Variants in ANKRD50 observed in about 807,000 individuals in gnomAD.
ANKRD50 encodes the protein ankyrin repeat domain-containing protein 50.
ANKRD50 carries 40 observed loss-of-function variants against 112.0 expected under a neutral mutation model. The ratio of observed to expected loss-of-function variants is 0.36; its 90% CI spans 0.28 to 0.46. ANKRD50 has a LOEUF of 0.46. Among genes scored for constraint, ANKRD50 ranks in the 20% least tolerant of loss-of-function variants. The pLI is 1.00. For missense variants in ANKRD50, 1,487 were observed against 1,701.7 expected (o/e 0.87, Z 2.22); for synonymous variants, 613 against 619.1 (o/e 0.99, Z 0.15).
chr4:124,711,674 C>T (rs1392099283), intron 1 of ANKRD50, among the ~76,000 whole-genome samples: 6 of 151,790 alleles, frequency 4.0e-5, no homozygotes, highest in Non-Finnish European at 7.4e-5. Context: ...CAAGGACTGT[C>T]TACTCCTCCA....
At chr4:124,672,659 C>G in intron 3 of ANKRD50, 125 bp from the exon 4 acceptor site, 2 of 639,374 alleles carry the variant, frequency 3.1e-6, no homozygotes, top group Non-Finnish European at 5.0e-6. Flanking sequence ...ATAAGCAGAT[C>G]AATTAATACC....
At chr4:124,695,222 T>C (rs1448247294) in intron 2 of ANKRD50, among the ~76,000 whole-genome samples, 41 of 152,122 alleles carry the variant, frequency 2.7e-4, no homozygotes, top group Non-Finnish European at 2.9e-5. Flanking sequence ...AGAGGGCTTG[T>C]TGAAGCAAGA....
At chr4:124,690,975 T>C (rs1235156747) in intron 2 of ANKRD50, among the ~76,000 whole-genome samples, 1 of 152,166 alleles carries the variant, frequency 6.6e-6, no homozygotes, top group East Asian at 1.9e-4. Context: ...ACTCAATAAA[T>C]ATAATGTATT....
rs1327990109 is a variant in ANKRD50 at position 124,687,482 on chromosome 4, C to T, written c.513-8577G>A. On this transcript the variant is annotated intron_variant, in intron 2 of 4. Coordinates refer to ENST00000504087, the MANE Select transcript of ANKRD50 (RefSeq NM_020337.3). ...CTGAGTTAGATAAAGAGTTTTTAGA[C>T]ACTTCACCAAAAGCGGGATCCATAG... 2.0e-5 allele frequency among the ~76,000 whole-genome samples: 3 copies of T among 151,494 alleles called. No homozygotes were observed. The East Asian group carries it at 5.8e-4, about 29-fold the overall frequency.
chr4:124,682,628 A>G (rs1297668473), intron 2 of ANKRD50, among the ~76,000 whole-genome samples: 1 of 152,116 alleles, frequency 6.6e-6, no homozygotes, highest in East Asian at 1.9e-4. Flanking sequence ...ATCATTAGGA[A>G]ATGACTCTAT....
chr4:124,675,641 G>C (rs969401325), intron 3 of ANKRD50, among the ~76,000 whole-genome samples: 2 of 151,706 alleles, frequency 1.3e-5, no homozygotes, highest in Non-Finnish European at 3.0e-5. Flanking sequence ...TAATATTTGT[G>C]TATGTTGTCA....
intron 4 of ANKRD50, 47 bp downstream of exon 4, chr4:124,668,937 G>A (rs1474041004): frequency 1.3e-6 from 2 of 1,518,704 alleles, no homozygotes; most frequent in Non-Finnish European, 1.8e-6. Flanking sequence ...TCCAAGTAGA[G>A]GGAACTCTAC....
chr4:124,671,181 T>C lies in ANKRD50; in HGVS notation c.2096A>G (p.His699Arg). 1.2e-6 allele frequency: 2 copies of C among 1,613,944 alleles called. No individual in the cohort carries two copies. Among genetic ancestry groups the C allele is most frequent in the Non-Finnish European group, 8.5e-7 (1 of 1,179,870 alleles). The change falls in exon 4 of 5, where the codon CAT becomes CGT. Residue 699 changes from histidine to arginine, a missense_variant. This residue lies in a region of ANKRD50 where 1,046 missense variants were observed against 1,269.5 expected (regional missense o/e 0.82). Coordinates refer to ENST00000504087, the MANE Select transcript of ANKRD50 (RefSeq NM_020337.3). ...ATCCTCATGATTTACTTCTGCTCCA[T>C]GGTCCAGTAGGTGTTCCACAATCTC... ...HREIVEHLLD[H>R]GAEVNHEDVD... is the part of the protein sequence containing the mutation.
rs1456264158 is a variant in ANKRD50 at position 124,672,235 on chromosome 4, C to T, written c.1042G>A (p.Ala348Thr). Residue 348 changes from alanine (A) to threonine (T), a missense_variant, in exon 4 of 5, where the codon GCA becomes ACA. Coordinates refer to ENST00000504087, the MANE Select transcript of ANKRD50 (RefSeq NM_020337.3). The part of the protein sequence containing the change: ...CQRLFVRKQF[A>T]KVQPILNVIL... ...ACATTCAAAATAGGCTGAACCTTTGCAAATTGTTTTCTTACAAAAAGTCTT... is the reference window on the plus strand; with the variant it reads ...ACATTCAAAATAGGCTGAACCTTTGTAAATTGTTTTCTTACAAAAAGTCTT... 13 of 1,613,666 alleles carry T rather than the reference C, an allele frequency of 8.1e-6. No homozygotes were observed. Among genetic ancestry groups the T allele is most frequent in the Non-Finnish European group, 1.1e-5 (13 of 1,179,842 alleles).
At chr4:124,684,482 C>T (rs1268287074) in intron 2 of ANKRD50, among the ~76,000 whole-genome samples, 1 of 152,164 alleles carries the variant, frequency 6.6e-6, no homozygotes, top group African/African-American at 2.4e-5. Context: ...ATACATGGCT[C>T]ATCTGTGTGA....
At chr4:124,690,379 G>A (rs1408521554) in intron 2 of ANKRD50, among the ~76,000 whole-genome samples, 1 of 152,174 alleles carries the variant, frequency 6.6e-6, no homozygotes, top group Non-Finnish European at 1.5e-5. Flanking sequence ...TTAAGATTAA[G>A]CTGCATTATA....
chr4:124,698,072 G>A (rs1433393980), intron 2 of ANKRD50, among the ~76,000 whole-genome samples: 7 of 152,158 alleles, frequency 4.6e-5, no homozygotes, highest in Admixed American at 2.0e-4. Flanking sequence ...GTTGAAGAAT[G>A]ATATAGGCTG....
In ANKRD50 at chr4:124,670,029, C is replaced by A; in HGVS notation, c.3248G>T (p.Arg1083Leu). Residue 1083 changes from arginine (R) to leucine (L), a missense_variant, in exon 4 of 5, where the codon CGT (arginine) becomes CTT (leucine). Coordinates refer to ENST00000504087, the MANE Select transcript of ANKRD50 (RefSeq NM_020337.3). ...AGAATGTCCATTTTTGGCTGCAACA[C>A]GCATAGCAGTGCGTCCAAATTGATC... Reference protein sequence around the residue: ...HADQFGRTAMRVAAKNGHSQI... With the variant: ...HADQFGRTAMLVAAKNGHSQI... 6.2e-7 allele frequency: 1 copy of A among 1,611,262 alleles called. No individual in the cohort carries two copies. The highest frequency in any genetic ancestry group is 8.5e-7 in the Non-Finnish European group (1 of 1,179,352).
rs1413185570 is a variant in ANKRD50, at chr4:124,668,972, A to T, written c.*3+12T>A. The T allele has an allele frequency of 6.3e-7, 1 of 1,588,324 alleles. No individual in the cohort carries two copies. The highest frequency in any genetic ancestry group is 8.5e-7 in the Non-Finnish European group (1 of 1,173,540). On this transcript the variant is annotated intron_variant, in intron 4 of 4. Transcript: ENST00000504087. ...CTTTTGTTTTTTACTCTTTATGTTG[A>T]CAAAATATTACCTTTTATAATGGTG...
rs76477118 is a variant in ANKRD50, at chr4:124,711,949, G to C, written c.-764+509C>G. Among the ~76,000 whole-genome samples, 40 of 152,256 alleles carry C rather than the reference G, an allele frequency of 2.6e-4. No homozygotes were observed. In the East Asian group the frequency reaches 7.0e-3, roughly 27 times the overall value. The stretch of plus-strand genomic sequence containing the variant: ...CAAGACAGGAAAGGGATAAAGAGTA[G>C]AGTGCTTCGGTGCTGGTGGGTGTCT... On this transcript the variant is annotated intron_variant, in intron 1 of 4. Coordinates refer to ENST00000504087, the MANE Select transcript of ANKRD50 (RefSeq NM_020337.3).
intron 3 of ANKRD50, among the ~76,000 whole-genome samples, chr4:124,677,532 C>T (rs767511531): frequency 5.2e-4 from 79 of 151,640 alleles, no homozygotes; most frequent in Admixed American, 9.2e-4. Context: ...ATAATAGCAA[C>T]GATATATTTC....
chr4:124,699,108 T>C (rs1382308194), intron 2 of ANKRD50, among the ~76,000 whole-genome samples: 1 of 152,156 alleles, frequency 6.6e-6, no homozygotes, highest in Admixed American at 6.5e-5. Context: ...CATTTACTTT[T>C]ATAAAAAGTA....
chr4:124,711,527 C>T (rs2110532384), intron 1 of ANKRD50, among the ~76,000 whole-genome samples: 1 of 152,232 alleles, frequency 6.6e-6, no homozygotes, highest in South Asian at 2.1e-4. Context: ...TGCAACTTCA[C>T]CATAGCAAAG....
At chr4:124,695,437 T>G (rs560001055) in intron 2 of ANKRD50, among the ~76,000 whole-genome samples, 1 of 152,160 alleles carries the variant, frequency 6.6e-6, no homozygotes, top group Admixed American at 6.5e-5. Flanking sequence ...GTCAGTTATA[T>G]TCCTCTAAGC....
Sources: gnomAD v4.1 joint callset for allele counts (sites outside exome capture counted in the v4.1 genomes callset) on GRCh38, gnomAD v4.1.1 for gene constraint, gnomAD v4.1.1 regional missense constraint, MANE v1.5 for transcripts, NCBI Gene and HGNC (gene_info 2026-07-23, HGNC 2026-07-21) for gene names.